The following ALG8 variants were observed in gnomAD, a reference collection of about 807,000 sequenced individuals.
ALG8 encodes the protein dolichyl pyrophosphate Glc1Man9GlcNAc2 alpha-1,3-glucosyltransferase.
ALG8 carries 48 observed loss-of-function variants against 70.2 expected under a neutral mutation model. The ratio of observed to expected loss-of-function variants is 0.68; its 90% confidence interval spans 0.54 to 0.87. ALG8 has a LOEUF of 0.87. Among genes scored for constraint, ALG8 ranks in the 40% least tolerant of loss-of-function variants. ALG8 has a pLI of 0.00. For synonymous variants in ALG8, 234 were observed against 229.0 expected, an observed-to-expected ratio of 1.02 and a Z score of -0.20; for missense variants, 572 against 608.7, an observed-to-expected ratio of 0.94 and a Z score of 0.64.
intron 1 of ALG8, among the ~76,000 whole-genome samples, chr11:78,137,037 G>C (rs1309599139): frequency 6.6e-6 from 1 of 152,212 alleles, no homozygotes; most frequent in African/African-American, 2.4e-5. Flanking sequence ...AAGTACCTGG[G>C]ATCACAGGCA....
At position 78,107,775 on chromosome 11, in the gene ALG8, G is replaced by A. The variant is rs771103233; in HGVS notation, c.1039-829C>T. 4 of 202,078 alleles carry A rather than the reference G, an allele frequency of 2.0e-5. No individual in the cohort carries two copies. The South Asian group carries it at 2.7e-4, about 14-fold the overall frequency. The allele number at this position is 202,078 out of a possible 1,614,324, so 12.5% of individuals were successfully genotyped here. A position where few individuals can be genotyped will look rare whatever the true frequency, so the allele number is the denominator to read the frequency against. ...GAGAATCGCTTGAACCTGGGAGGCA[G>A]AGGTTGCAGTGAGCTGAAATTGCGC... On this transcript the variant is annotated intron_variant, in intron 9 of 12. Coordinates refer to ENST00000299626, the MANE Select transcript of ALG8 (RefSeq NM_024079.5).
chr11:78,123,315 G>GAAAAAAAAAAAAAAA (rs1220218900), intron 3 of ALG8, among the ~76,000 whole-genome samples: 85 of 88,402 alleles, frequency 9.6e-4, no homozygotes, highest in South Asian at 1.5e-3. Context: ...GGAAAAAAAA[G>GAAAAAAAAAAAAAAA]AAAAAAAAAA....
chr11:78,126,323 G>A (rs1467559240), intron 2 of ALG8, among the ~76,000 whole-genome samples: 1 of 151,880 alleles, frequency 6.6e-6, no homozygotes, highest in East Asian at 1.9e-4. Flanking sequence ...CTGAGGTCCG[G>A]AGTTCGAGAC....
chr11:78,118,615 C>CAAAAAA (rs60253317), intron 5 of ALG8, among the ~76,000 whole-genome samples: 17 of 88,098 alleles, frequency 1.9e-4, no homozygotes, highest in Admixed American at 7.0e-4. Flanking sequence ...GACTCATTCT[C>CAAAAAA]AAAAAAAAAA....
intron 9 of ALG8, 97 bp from the exon 10 acceptor site, chr11:78,107,043 A>T: frequency 7.1e-7 from 1 of 1,416,010 alleles, no homozygotes; most frequent in Non-Finnish European, 9.8e-7. Flanking sequence ...TCTCTGAAAG[A>T]CAGCCAATCT....
At chr11:78,127,733 G>A (rs550455655) in intron 1 of ALG8, among the ~76,000 whole-genome samples, 25 of 131,476 alleles carry the variant, frequency 1.9e-4, no homozygotes, top group African/African-American at 6.7e-4. Context: ...TTTTTGAGGC[G>A]GAGTCTCCTT....
At position 78,101,102 on chromosome 11, in the gene ALG8, G is replaced by C. The variant is rs746756065; in HGVS notation, c.1443C>G (p.Thr481=). The stretch of plus-strand genomic sequence containing the variant: ...TGAAGGGGTACTTCACCTTCCAGGA[G>C]GTGAAAGGGAATACAAATTCACAGC... The part of the protein sequence containing the change: ...EVCCEFVFPF[T]SWKVKYPFIP... The change falls in exon 13 of 13, where the codon ACC becomes ACG. Residue 481 remains threonine (T), a synonymous_variant. Coordinates refer to ENST00000299626, the MANE Select transcript of ALG8 (RefSeq NM_024079.5). The C allele has an allele frequency of 7.6e-5, 122 of 1,614,068 alleles. 1 individual carries two copies. In the Admixed American group the frequency reaches 2.0e-3, roughly 26 times the overall value.
intron 4 of ALG8, 89 bp downstream of exon 4, chr11:78,120,976 A>C (rs1860797072): frequency 1.6e-6 from 2 of 1,252,920 alleles, no homozygotes; most frequent in Admixed American, 3.5e-5. Flanking sequence ...AGGAGCTCAC[A>C]TCTCCAATCA....
rs764796685 is a variant in ALG8 at position 78,114,266 on chromosome 11, C to T, written c.673G>A (p.Asp225Asn). Residue 225 changes from aspartate to asparagine, a missense_variant and splice_region_variant, in exon 6 of 13, where the codon GAT becomes AAT. Physicochemically the swap from Asp to Asn is conservative, Grantham distance 23 (BLOSUM62 1). Coordinates refer to ENST00000299626, the MANE Select transcript of ALG8 (RefSeq NM_024079.5). ...TTTTGCTATTATTACCAAAACTTGC[C>T]TGGTTTATTTGCAGTGAAACAGTAG... ...RSYCFTANKP[D>N]GSIRWKSFSF... 2 of 1,614,056 alleles carry T rather than the reference C, an allele frequency of 1.2e-6. No individual in the cohort carries two copies. Among genetic ancestry groups the T allele is most frequent in the Non-Finnish European group, 1.7e-6 (2 of 1,180,014 alleles).
Position 78,114,387 on chromosome 11 carries a change from C to T in ALG8, c.552G>A (p.Arg184=). 6.2e-7 allele frequency: 1 copy of T among 1,613,788 alleles called. No homozygotes were observed. Among genetic ancestry groups the T allele is most frequent in the Non-Finnish European group, 8.5e-7 (1 of 1,179,918 alleles). Residue 184 remains arginine, a synonymous_variant, in exon 6 of 13, where the codon AGG becomes AGA. Transcript: ENST00000299626. ...CAAAGAGAAATGCTCCTTCCATATG[C>T]CTTTTCTAGGAGATTTAAAAGGGAA... ...LLSIARLFQK[R]HMEGAFLFAV... is the part of the protein sequence containing the mutation.
At chr11:78,132,086 C>G (rs1861333047) in intron 1 of ALG8, among the ~76,000 whole-genome samples, 1 of 152,170 alleles carries the variant, frequency 6.6e-6, no homozygotes, top group South Asian at 2.1e-4. Context: ...GCCTGCAACA[C>G]TCTGTGTGAG....
chr11:78,111,792 G>A (rs1414306414), intron 8 of ALG8, among the ~76,000 whole-genome samples: 1 of 152,184 alleles, frequency 6.6e-6, no homozygotes, highest in Non-Finnish European at 1.5e-5. Context: ...GTTATCCAGA[G>A]TGAGTTATTT....
At chr11:78,110,411 C>G (rs750603280) in intron 8 of ALG8, among the ~76,000 whole-genome samples, 1 of 152,156 alleles carries the variant, frequency 6.6e-6, no homozygotes, top group Admixed American at 6.5e-5. Flanking sequence ...AGGCTGGTCT[C>G]GAGCTCCTGA....
intron 3 of ALG8, among the ~76,000 whole-genome samples, chr11:78,121,531 C>A (rs113804339): frequency 1.4e-5 from 2 of 140,706 alleles, no homozygotes; most frequent in African/African-American, 5.4e-5. Context: ...CCAGCCTGGG[C>A]GACATAGTAA....
rs985614980 is a variant in ALG8, at chr11:78,139,396, G to C, written c.95+98C>G. 5 of 1,237,346 alleles carry C rather than the reference G, an allele frequency of 4.0e-6. No individual in the cohort carries two copies. The African/African-American group carries it at 4.5e-5, about 11-fold the overall frequency. 76.6% of individuals were successfully genotyped at this position (1,237,346 alleles called of 1,614,324 possible). On this transcript the variant is annotated intron_variant, in intron 1 of 12. Transcript: ENST00000299626. ...AGGATAGCGACAAACACGACCTAAA[G>C]TTTTCTCTTCATACCCAGGGATATC... is the stretch of plus-strand genomic sequence containing the variant.
intron 9 of ALG8, among the ~76,000 whole-genome samples, chr11:78,108,235 G>C (rs1181875032): frequency 6.6e-6 from 1 of 151,976 alleles, no homozygotes; most frequent in Non-Finnish European, 1.5e-5. Flanking sequence ...AGCTGAGATC[G>C]TACCACTACA....
intron 1 of ALG8, among the ~76,000 whole-genome samples, chr11:78,130,090 G>A (rs1196489555): frequency 2.6e-5 from 4 of 152,120 alleles, no homozygotes; most frequent in Non-Finnish European, 4.4e-5. Context: ...GATGGCTCAC[G>A]CCTGTAATCC....
chr11:78,120,319 A>G (rs1487949052), intron 4 of ALG8, among the ~76,000 whole-genome samples: 1 of 152,152 alleles, frequency 6.6e-6, no homozygotes, highest in African/African-American at 2.4e-5. Context: ...AAAGGAATGG[A>G]CCTAACTGCT....
At chr11:78,137,037 G>A (rs1309599139) in intron 1 of ALG8, among the ~76,000 whole-genome samples, 2 of 152,096 alleles carry the variant, frequency 1.3e-5, no homozygotes, top group Admixed American at 1.3e-4. Context: ...AAGTACCTGG[G>A]ATCACAGGCA....
Sources: allele counts gnomAD v4.1 joint callset (sites outside exome capture counted in the v4.1 genomes callset), GRCh38; gene constraint gnomAD v4.1.1; transcripts MANE v1.5; gene names NCBI Gene and HGNC (gene_info 2026-07-23, HGNC 2026-07-21).